PLXDC2: variants seen among roughly 807,000 people sequenced by gnomAD.
The protein encoded by PLXDC2 is plexin domain containing 2, also known as plexin domain-containing protein 2.
In PLXDC2, 40 loss-of-function variants were observed where a neutral mutation model predicts 68.9. That is an observed-to-expected ratio of 0.58 (90% CI 0.45 to 0.76). The LOEUF (loss-of-function observed/expected upper bound fraction) is 0.76. Ranked by LOEUF, PLXDC2 falls within the 30% of genes least tolerant of loss-of-function variation. The pLI, the probability that PLXDC2 is intolerant of heterozygous loss-of-function variation, is 0.00. For missense variants in PLXDC2, 644 were observed against 661.9 expected (o/e 0.97, Z 0.30); for synonymous variants, 243 against 234.2 (o/e 1.04, Z -0.34).
chr10:19,890,080 C>T (rs1340709923), intron 1 of PLXDC2, among the ~76,000 whole-genome samples: 4 of 152,078 alleles, frequency 2.6e-5, no homozygotes, highest in African/African-American at 9.7e-5. Flanking sequence ...TTAATGCCCG[C>T]TCTGTGACAA....
rs1836168120 is a variant in PLXDC2 at position 20,287,263 on chromosome 10, T to C, written c.*7444T>C. 6.6e-6 allele frequency: 1 copy of C among 152,244 alleles called. No individual in the cohort carries two copies. The highest frequency in any genetic ancestry group is 2.1e-4 in the South Asian group (1 of 4,834). 9.4% of individuals were successfully genotyped at this position (152,244 alleles called of 1,614,324 possible). On this transcript the variant is annotated 3_prime_UTR_variant, in exon 14 of 14. Transcript: ENST00000377252. ...GAGGCCTTTGTCCTAGAGAATTATG[T>C]GACTTGCCCTAGAGAATTAGTGAAT...
chr10:19,897,967 C>A (rs183551348), intron 1 of PLXDC2, among the ~76,000 whole-genome samples: 18 of 152,056 alleles, frequency 1.2e-4, no homozygotes, highest in Admixed American at 1.2e-3. Flanking sequence ...ATCAATGAAA[C>A]TGAAAAAAAT....
chr10:20,267,942 A>G (rs1305701711), intron 13 of PLXDC2, among the ~76,000 whole-genome samples: 1 of 151,788 alleles, frequency 6.6e-6, no homozygotes, highest in Non-Finnish European at 1.5e-5. Context: ...CTTCCTTATC[A>G]CAGGATGAAT....
At chr10:19,828,375 A>G (rs1836615018) in intron 1 of PLXDC2, among the ~76,000 whole-genome samples, 1 of 152,192 alleles carries the variant, frequency 6.6e-6, no homozygotes, top group Non-Finnish European at 1.5e-5. Context: ...TTTTATTTAG[A>G]CTACAGGCAT....
At chr10:20,074,204 T>G (rs957999565) in intron 4 of PLXDC2, among the ~76,000 whole-genome samples, 5 of 152,166 alleles carry the variant, frequency 3.3e-5, no homozygotes, top group Non-Finnish European at 7.4e-5. Flanking sequence ...GAATTTGCCT[T>G]CCCTTTCTAC....
chr10:19,956,330 A>C (rs1834069124), intron 1 of PLXDC2, among the ~76,000 whole-genome samples: 1 of 152,168 alleles, frequency 6.6e-6, no homozygotes, highest in African/African-American at 2.4e-5. Flanking sequence ...ATATCTCAGT[A>C]ATCATTTTTT....
At chr10:19,895,653 G>A (rs1246789667) in intron 1 of PLXDC2, among the ~76,000 whole-genome samples, 2 of 152,088 alleles carry the variant, frequency 1.3e-5, no homozygotes, top group African/African-American at 2.4e-5. Context: ...GTAGTCACAC[G>A]TGGCTAGTGG....
At chr10:19,818,227 GGT>G (rs749435110) in intron 1 of PLXDC2, among the ~76,000 whole-genome samples, 16,929 of 137,264 alleles carry the variant, frequency 0.12, 996 homozygotes, top group Admixed American at 0.16. Flanking sequence ...GTTCTTTTCT[GGT>G]GTGTGTGTGT....
At chr10:19,879,373 T>G (rs1454594108) in intron 1 of PLXDC2, among the ~76,000 whole-genome samples, 1 of 152,172 alleles carries the variant, frequency 6.6e-6, no homozygotes, top group East Asian at 1.9e-4. Flanking sequence ...TAAATATTAT[T>G]CATCTAGAAT....
chr10:20,124,460 A>C (rs1226193099), intron 4 of PLXDC2, among the ~76,000 whole-genome samples: 1 of 152,118 alleles, frequency 6.6e-6, no homozygotes, highest in Non-Finnish European at 1.5e-5. Context: ...GATCTTTCTC[A>C]CGGAGCAAAG....
intron 2 of PLXDC2, among the ~76,000 whole-genome samples, chr10:20,035,163 T>G (rs1337723235): frequency 1.3e-5 from 2 of 152,152 alleles, no homozygotes; most frequent in Non-Finnish European, 2.9e-5. Context: ...TTATCTTTAT[T>G]TGCAAAATGA....
intron 4 of PLXDC2, among the ~76,000 whole-genome samples, chr10:20,102,552 G>C (rs549122969): frequency 1.4e-4 from 22 of 152,236 alleles, no homozygotes; most frequent in Middle Eastern, 3.4e-3. Context: ...TGAAGGGATT[G>C]GTAATAATAT....
chr10:19,925,980 G>A (rs949306257), intron 1 of PLXDC2, among the ~76,000 whole-genome samples: 1 of 152,114 alleles, frequency 6.6e-6, no homozygotes, highest in African/African-American at 2.4e-5. Flanking sequence ...ACATATGAAC[G>A]CTCAATGTAT....
rs376746066 is a variant in PLXDC2, at chr10:20,260,483, A to G, written c.1473+14978A>G. Among the ~76,000 whole-genome samples, 7 of 152,340 alleles carry G rather than the reference A, an allele frequency of 4.6e-5. No individual in the cohort carries two copies. The South Asian group carries it at 8.3e-4, about 18-fold the overall frequency. ...CTATGTCTGGCTAATTTCACTTAGC[A>G]CAGTGTTCTCCAGGTTCATCTACGT... On this transcript the variant is annotated intron_variant, in intron 13 of 13. Transcript: ENST00000377252.
intron 1 of PLXDC2, among the ~76,000 whole-genome samples, chr10:19,950,317 C>T (rs977728700): frequency 1.3e-5 from 2 of 152,130 alleles, no homozygotes; most frequent in Admixed American, 6.5e-5. Context: ...AGTAAAGTTT[C>T]GGGGTACAAA....
chr10:19,892,294 A>G (rs573564954), intron 1 of PLXDC2, among the ~76,000 whole-genome samples: 1 of 152,310 alleles, frequency 6.6e-6, no homozygotes, highest in Non-Finnish European at 1.5e-5. Flanking sequence ...TGTCTGTGGC[A>G]TGGTGGACTT....
chr10:20,259,186 A>G (rs1835780657), intron 13 of PLXDC2, among the ~76,000 whole-genome samples: 1 of 152,122 alleles, frequency 6.6e-6, no homozygotes, highest in South Asian at 2.1e-4. Context: ...TCATCTCAGC[A>G]CATAGCAGAA....
chr10:19,836,054 G>T (rs1012551002), intron 1 of PLXDC2, among the ~76,000 whole-genome samples: 5 of 152,058 alleles, frequency 3.3e-5, no homozygotes, highest in African/African-American at 1.2e-4. Flanking sequence ...GTGCACATCT[G>T]TGGTCCCAGC....
intron 1 of PLXDC2, among the ~76,000 whole-genome samples, chr10:19,996,513 G>C (rs1175312005): frequency 6.6e-6 from 1 of 152,174 alleles, no homozygotes; most frequent in Non-Finnish European, 1.5e-5. Context: ...TTGAGCCCAG[G>C]GATTTGAGGC....
Sources: allele counts gnomAD v4.1 joint callset (sites outside exome capture counted in the v4.1 genomes callset), GRCh38; gene constraint gnomAD v4.1.1; transcripts MANE v1.5; gene names NCBI Gene and HGNC (gene_info 2026-07-23, HGNC 2026-07-21).